BRIP1: variants seen among roughly 807,000 people sequenced by gnomAD.
BRIP1 encodes the protein Fanconi anemia group J protein.
BRIP1 carries 88 observed loss-of-function variants against 119.7 expected under a neutral mutation model. The ratio of observed to expected loss-of-function variants is 0.74; its 90% CI spans 0.62 to 0.88. BRIP1 has a LOEUF of 0.88. Among genes scored for constraint, BRIP1 ranks in the 40% least tolerant of loss-of-function variants. The probability of loss-of-function intolerance (pLI) is 0.00; values close to 1 mark genes in which losing one functional copy is unlikely to be tolerated. For missense variants in BRIP1, 1,259 were observed against 1,455.4 expected, an observed-to-expected ratio of 0.87 and a Z score of 2.20; for synonymous variants, 443 against 496.5, an observed-to-expected ratio of 0.89 and a Z score of 1.43.
chr17:61,711,005 C>T (rs1401508018), intron 17 of BRIP1, among the ~76,000 whole-genome samples: 1 of 142,088 alleles, frequency 7.0e-6, no homozygotes, highest in Non-Finnish European at 1.5e-5. Context: ...TGCACCACTG[C>T]ACTGGGCGAC....
At position 61,803,808 on chromosome 17, in the gene BRIP1, A is replaced by T. The variant is rs2078031838; in HGVS notation, c.919-2334T>A. Reference sequence around the variant, plus strand: ...ATTTGTCAAAAAACTACCAAAATTTAAAATTTTACCATTAATGTGAATAGA... The same window carrying T: ...ATTTGTCAAAAAACTACCAAAATTTTAAATTTTACCATTAATGTGAATAGA... On this transcript the variant is annotated intron_variant, in intron 7 of 19. Coordinates refer to ENST00000259008, the MANE Select transcript of BRIP1 (RefSeq NM_032043.3). This position sits in a 1 kb window ranked among gnomAD's most constrained non-coding sequence, Gnocchi z 4.3. Among the ~76,000 whole-genome samples the T allele has an allele frequency of 6.6e-6, 1 of 152,172 alleles. No individual in the cohort carries two copies. Among genetic ancestry groups the T allele is most frequent in the Admixed American group, 6.6e-5 (1 of 15,264 alleles).
intron 10 of BRIP1, among the ~76,000 whole-genome samples, chr17:61,790,013 A>G (rs562840441): frequency 6.6e-6 from 1 of 152,226 alleles, no homozygotes; most frequent in East Asian, 1.9e-4. Flanking sequence ...ACCTCACTAA[A>G]TACACACACC....
rs1241545070 is a variant in BRIP1 at position 61,863,445 on chromosome 17, C to T, written c.-192G>A. ...CTGGGGGTGCTGCTACTTCCCCGGC[C>T]TTGTGTGCAGGACTGGGGCCGCCGT... is the stretch of plus-strand genomic sequence containing the variant. On this transcript the variant is annotated 5_prime_UTR_variant, in exon 1 of 20. Coordinates refer to ENST00000259008, the MANE Select transcript of BRIP1 (RefSeq NM_032043.3). The T allele has an allele frequency of 6.6e-6, 1 of 152,268 alleles. No individual in the cohort carries two copies. Among genetic ancestry groups the T allele is most frequent in the African/African-American group, 2.4e-5 (1 of 41,404 alleles). The allele number at this position is 152,268 out of a possible 1,614,324, so 9.4% of individuals were successfully genotyped here.
intron 14 of BRIP1, among the ~76,000 whole-genome samples, chr17:61,773,127 C>A (rs1303753872): frequency 6.6e-6 from 1 of 151,748 alleles, no homozygotes; most frequent in Non-Finnish European, 1.5e-5. Context: ...GGATTACTAT[C>A]CACACTATAT....
In BRIP1 at chr17:61,687,809, C is replaced by T. The variant is rs769990675; in HGVS notation, c.2576-1644G>A. 6.6e-6 allele frequency among the ~76,000 whole-genome samples: 1 copy of T among 152,172 alleles called. No homozygotes were observed. Among genetic ancestry groups the T allele is most frequent in the Non-Finnish European group, 1.5e-5 (1 of 68,034 alleles). Reference sequence around the variant, plus strand: ...CACCCTCTTGTCATGATCCCCACTTCAGAATATACCTGGCTGCTTCTTCCT... The same window carrying T: ...CACCCTCTTGTCATGATCCCCACTTTAGAATATACCTGGCTGCTTCTTCCT... On this transcript the variant is annotated intron_variant, in intron 18 of 19. Transcript: ENST00000259008. This position sits in a 1 kb window ranked among gnomAD's most constrained non-coding sequence, Gnocchi z 5.1.
intron 16 of BRIP1, among the ~76,000 whole-genome samples, chr17:61,727,490 G>A (rs941088957): frequency 4.6e-5 from 7 of 152,120 alleles, no homozygotes; most frequent in African/African-American, 1.7e-4. Context: ...TTCAGGGCCA[G>A]GTGTGGTGGC....
rs2078510154 is a variant in BRIP1 at position 61,832,576 on chromosome 17, T to C, written c.627+14525A>G. On this transcript the variant is annotated intron_variant, in intron 6 of 19. Coordinates refer to ENST00000259008, the MANE Select transcript of BRIP1 (RefSeq NM_032043.3). This position sits in a 1 kb window ranked among gnomAD's most constrained non-coding sequence, Gnocchi z 5.5. ...CTGTGACATTCCTGCCAAAGATAAA[T>C]AACCTCAGTCTAATGAGAAAACCCA... Among the ~76,000 whole-genome samples, 1 of 152,116 alleles carries C rather than the reference T, an allele frequency of 6.6e-6. No individual in the cohort carries two copies. Among genetic ancestry groups the C allele is most frequent in the African/African-American group, 2.4e-5 (1 of 41,426 alleles).
At position 61,706,475 on chromosome 17, in the gene BRIP1, A is replaced by G. The variant is rs1400201959; in HGVS notation, c.2492+9476T>C. On this transcript the variant is annotated intron_variant, in intron 17 of 19. Transcript: ENST00000259008. This position sits in a 1 kb window ranked among gnomAD's most constrained non-coding sequence, Gnocchi z 5.7. ...TAGTTTTATGTTTTCAATGAAAAACATAACTGTCCTTTCCCTACCCACCTC... is the reference window on the plus strand; with the variant it reads ...TAGTTTTATGTTTTCAATGAAAAACGTAACTGTCCTTTCCCTACCCACCTC... 2.0e-5 allele frequency among the ~76,000 whole-genome samples: 3 copies of G among 152,180 alleles called. No homozygotes were observed. The highest frequency in any genetic ancestry group is 1.9e-4 in the East Asian group (1 of 5,202).
chr17:61,760,321 C>T lies in BRIP1; in HGVS notation c.2098-15730G>A, dbSNP rs1044442688. Among the ~76,000 whole-genome samples the T allele has an allele frequency of 5.9e-5, 9 of 151,550 alleles. No homozygotes were observed. The highest frequency in any genetic ancestry group is 2.1e-4 in the South Asian group (1 of 4,814). On this transcript the variant is annotated intron_variant, in intron 14 of 19. Transcript: ENST00000259008. The surrounding 1 kb of genome is among the most constrained non-coding windows in gnomAD (Gnocchi z 4.6). The stretch of plus-strand genomic sequence containing the variant: ...AACGTAGTCCTAAGAGGAAAGTTTA[C>T]AATAACAAATGCCTACATCAAAAAA...
At position 61,802,544 on chromosome 17, in the gene BRIP1, T is replaced by C. The variant is rs1176004122; in HGVS notation, c.919-1070A>G. Among the ~76,000 whole-genome samples the C allele has an allele frequency of 6.6e-6, 1 of 152,178 alleles. No individual in the cohort carries two copies. The highest frequency in any genetic ancestry group is 2.4e-5 in the African/African-American group (1 of 41,444). On this transcript the variant is annotated intron_variant, in intron 7 of 19. Transcript: ENST00000259008. This position sits in a 1 kb window ranked among gnomAD's most constrained non-coding sequence, Gnocchi z 6.0. ...AATTCAGCCACAATAAACAAAAATTTTTATAAAGCATATTCCCTTTGTTTT... is the reference window on the plus strand; with the variant it reads ...AATTCAGCCACAATAAACAAAAATTCTTATAAAGCATATTCCCTTTGTTTT...
rs961577552 is a variant in BRIP1 at position 61,760,073 on chromosome 17, G to C, written c.2098-15482C>G. On this transcript the variant is annotated intron_variant, in intron 14 of 19. Transcript: ENST00000259008. The surrounding 1 kb of genome is among the most constrained non-coding windows in gnomAD (Gnocchi z 4.6). The stretch of plus-strand genomic sequence containing the variant: ...AACAAGTTTTAACAAATTTAAGTTT[G>C]TTATCATATCAAGTATCTTTGCTGG... Among the ~76,000 whole-genome samples, 3 of 151,918 alleles carry C rather than the reference G, an allele frequency of 2.0e-5. No individual in the cohort carries two copies. The highest frequency in any genetic ancestry group is 4.4e-5 in the Non-Finnish European group (3 of 67,910).
rs149258774 is a variant in BRIP1 at position 61,797,304 on chromosome 17, T to TA, written c.1340+1795dup. ...GAATAAGAATTATCAAAAGAAATGA[T>TA]AAAAAAAAATGGACTGTGAGAAGGA... On this transcript the variant is annotated intron_variant, in intron 9 of 19. Coordinates refer to ENST00000259008, the MANE Select transcript of BRIP1 (RefSeq NM_032043.3). 6.8e-4 allele frequency among the ~76,000 whole-genome samples: 102 copies of TA among 150,056 alleles called. 1 individual carries two copies. Among genetic ancestry groups the TA allele is most frequent in the South Asian group, 3.4e-3 (16 of 4,710 alleles).
At position 61,827,751 on chromosome 17, in the gene BRIP1, T is replaced by A. The variant is rs1189407921; in HGVS notation, c.628-18994A>T. ...CTCAAAAAAGGGCAAAGGACTTGAATAGACATTTCTCCAAAGAAAATACAC... is the reference window on the plus strand; with the variant it reads ...CTCAAAAAAGGGCAAAGGACTTGAAAAGACATTTCTCCAAAGAAAATACAC... On this transcript the variant is annotated intron_variant, in intron 6 of 19. Coordinates refer to ENST00000259008, the MANE Select transcript of BRIP1 (RefSeq NM_032043.3). The surrounding 1 kb of genome is among the most constrained non-coding windows in gnomAD (Gnocchi z 5.8). Among the ~76,000 whole-genome samples the A allele has an allele frequency of 1.3e-5, 2 of 152,094 alleles. No individual in the cohort carries two copies. The highest frequency in any genetic ancestry group is 4.8e-5 in the African/African-American group (2 of 41,422).
At position 61,805,421 on chromosome 17, in the gene BRIP1, T is replaced by C. The variant is rs1341413368; in HGVS notation, c.918+3046A>G. Among the ~76,000 whole-genome samples the C allele has an allele frequency of 6.6e-6, 1 of 152,220 alleles. No homozygotes were observed. The highest frequency in any genetic ancestry group is 1.5e-5 in the Non-Finnish European group (1 of 68,034). On this transcript the variant is annotated intron_variant, in intron 7 of 19. Coordinates refer to ENST00000259008, the MANE Select transcript of BRIP1 (RefSeq NM_032043.3). This position sits in a 1 kb window ranked among gnomAD's most constrained non-coding sequence, Gnocchi z 5.6. ...ATTTTCACTCACTTTCTCTAACCTCTACTGTTCTTATTCTTCATACTGTGT... is the reference window on the plus strand; with the variant it reads ...ATTTTCACTCACTTTCTCTAACCTCCACTGTTCTTATTCTTCATACTGTGT...
chr17:61,798,603 AT>A lies in BRIP1; in HGVS notation c.1340+496del, dbSNP rs1344397977. Among the ~76,000 whole-genome samples the A allele has an allele frequency of 6.6e-6, 1 of 152,046 alleles. No individual in the cohort carries two copies. The highest frequency in any genetic ancestry group is 1.5e-5 in the Non-Finnish European group (1 of 67,942). On this transcript the variant is annotated intron_variant, in intron 9 of 19. Transcript: ENST00000259008. This position sits in a 1 kb window ranked among gnomAD's most constrained non-coding sequence, Gnocchi z 5.5. ...GGAAGTTTTTTTCTATGGTAACAAG[AT>A]TCTAGATCAACAACTTAATGTCTAA...
chr17:61,786,893 AT>A (rs1567819309), intron 10 of BRIP1, among the ~76,000 whole-genome samples: 1 of 112,766 alleles, frequency 8.9e-6, no homozygotes, highest in African/African-American at 3.5e-5. Context: ...ATATAAATAT[AT>A]TTTATATATA....
chr17:61,793,137 G>T lies in BRIP1; in HGVS notation c.1473+460C>A, dbSNP rs1164928336. Among the ~76,000 whole-genome samples the T allele has an allele frequency of 6.6e-6, 1 of 152,092 alleles. No homozygotes were observed. Among genetic ancestry groups the T allele is most frequent in the East Asian group, 1.9e-4 (1 of 5,204 alleles). On this transcript the variant is annotated intron_variant, in intron 10 of 19. Coordinates refer to ENST00000259008, the MANE Select transcript of BRIP1 (RefSeq NM_032043.3). The surrounding 1 kb of genome is among the most constrained non-coding windows in gnomAD (Gnocchi z 5.2). Reference sequence around the variant, plus strand: ...TTATGCAGCCTCTATTTAGAAAAATGTACAAAAGGATACGCTCATAAAATT... The same window carrying T: ...TTATGCAGCCTCTATTTAGAAAAATTTACAAAAGGATACGCTCATAAAATT...
chr17:61,810,615 A>G lies in BRIP1; in HGVS notation c.628-1858T>C, dbSNP rs976786464. Among the ~76,000 whole-genome samples the G allele has an allele frequency of 6.6e-6, 1 of 152,216 alleles. No individual in the cohort carries two copies. Among genetic ancestry groups the G allele is most frequent in the Non-Finnish European group, 1.5e-5 (1 of 68,032 alleles). Reference sequence around the variant, plus strand: ...TCTATCTAAGCATAAAAGTAATCCAATAAAGTAGCTTTTTCTCAAGGCTGG... The same window carrying G: ...TCTATCTAAGCATAAAAGTAATCCAGTAAAGTAGCTTTTTCTCAAGGCTGG... On this transcript the variant is annotated intron_variant, in intron 6 of 19. Transcript: ENST00000259008. The surrounding 1 kb of genome is among the most constrained non-coding windows in gnomAD (Gnocchi z 4.7).
chr17:61,850,599 G>T (rs1027431313), intron 4 of BRIP1, among the ~76,000 whole-genome samples: 2 of 150,814 alleles, frequency 1.3e-5, no homozygotes, highest in Non-Finnish European at 3.0e-5. Flanking sequence ...AGGCCGAGGC[G>T]AGTGGATCAC....
Sources: allele counts gnomAD v4.1 joint callset (sites outside exome capture counted in the v4.1 genomes callset), GRCh38; gene constraint gnomAD v4.1.1; non-coding constraint Gnocchi (gnomAD v3.1); transcripts MANE v1.5; gene names NCBI Gene and HGNC (gene_info 2026-07-23, HGNC 2026-07-21).